GRID1: variants seen among roughly 807,000 people sequenced by gnomAD.
GRID1 encodes the protein glutamate receptor ionotropic, delta-1.
Under a neutral mutation model 98.0 loss-of-function variants are expected in GRID1, and 28 were observed. The ratio of observed to expected loss-of-function variants is 0.29; its 90% confidence interval spans 0.21 to 0.39. The LOEUF is 0.39. Ranked by LOEUF, GRID1 falls within the 10% of genes least tolerant of loss-of-function variation. The pLI is 1.00. For synonymous variants in GRID1, 553 were observed against 538.5 expected (o/e 1.03, Z -0.37); for missense variants, 1,111 against 1,340.5 (o/e 0.83, Z 2.67).
intron 8 of GRID1, among the ~76,000 whole-genome samples, chr10:85,796,265 A>G (rs1164021103): frequency 2.6e-5 from 4 of 152,252 alleles, no homozygotes; most frequent in Middle Eastern, 3.2e-3. Context: ...TTGAATTTCA[A>G]AATAATCAAC....
At position 86,024,269 on chromosome 10, in the gene GRID1, C is replaced by T. The variant is rs374143170; in HGVS notation, c.727-108030G>A. Among the ~76,000 whole-genome samples the T allele has an allele frequency of 3.0e-3, 452 of 152,272 alleles. 21 individuals carry two copies. In the South Asian group the frequency reaches 0.091, roughly 31 times the overall value. Reference sequence around the variant, plus strand: ...CATTCTTCTTCCGCTATCACCCAGCCGTCTGGTGCAAACGACCCATTTAAA... The same window carrying T: ...CATTCTTCTTCCGCTATCACCCAGCTGTCTGGTGCAAACGACCCATTTAAA... On this transcript the variant is annotated intron_variant, in intron 4 of 15. Transcript: ENST00000327946.
intron 3 of GRID1, among the ~76,000 whole-genome samples, chr10:86,159,054 C>T (rs1039016566): frequency 6.6e-6 from 1 of 152,082 alleles, no homozygotes; most frequent in African/African-American, 2.4e-5. Flanking sequence ...CGACCATGCC[C>T]GGCTAATTTT....
intron 4 of GRID1, among the ~76,000 whole-genome samples, chr10:86,076,902 G>T (rs536986556): frequency 2.2e-5 from 3 of 139,308 alleles, no homozygotes; most frequent in South Asian, 4.8e-4. Flanking sequence ...TGTCTGTCTC[G>T]CAATTTCTCC....
At chr10:85,867,004 G>T (rs1426774926) in intron 6 of GRID1, among the ~76,000 whole-genome samples, 2 of 152,166 alleles carry the variant, frequency 1.3e-5, no homozygotes, top group East Asian at 1.9e-4. Context: ...ATATCTGGGA[G>T]CTGTGCCTTT....
chr10:85,619,961 A>G lies in GRID1; in HGVS notation c.2266T>C (p.Cys756Arg). ...VEYAALTDDD[C>R]SVTVIGNSIS... ...CTGTTGCCGATGACAGTCACCGAGC[A>G]GTCGTCATCCGTCAGGGCTGCGTAT... The change falls in exon 14 of 16, where the codon TGC becomes CGC. Residue 756 changes from cysteine (C) to arginine (R), a missense_variant. Around this residue, in one of 3 missense-constraint regions of GRID1, gnomAD observed 762 missense variants for 869.1 expected, o/e 0.88. Transcript: ENST00000327946. 1 of 1,614,006 alleles carries G rather than the reference A, an allele frequency of 6.2e-7. No homozygotes were observed. The highest frequency in any genetic ancestry group is 8.5e-7 in the Non-Finnish European group (1 of 1,179,846).
chr10:86,317,439 A>T (rs1050771658), intron 2 of GRID1, among the ~76,000 whole-genome samples: 1 of 152,232 alleles, frequency 6.6e-6, no homozygotes, highest in Non-Finnish European at 1.5e-5. Context: ...AAAAATTATG[A>T]CAAATAGCTT....
At chr10:85,798,375 G>C (rs910908945) in intron 8 of GRID1, among the ~76,000 whole-genome samples, 6 of 152,278 alleles carry the variant, frequency 3.9e-5, no homozygotes, top group Non-Finnish European at 8.8e-5. Context: ...ACAGTATAGA[G>C]AATATATAGA....
chr10:85,985,820 G>C (rs948820941), intron 4 of GRID1, among the ~76,000 whole-genome samples: 3 of 152,160 alleles, frequency 2.0e-5, no homozygotes, highest in Non-Finnish European at 2.9e-5. Context: ...TGGCCCACAG[G>C]GAGAGGCAAA....
chr10:85,771,970 A>C (rs1282133761), intron 8 of GRID1, among the ~76,000 whole-genome samples: 1 of 152,186 alleles, frequency 6.6e-6, no homozygotes, highest in African/African-American at 2.4e-5. Context: ...CACCAAGTGG[A>C]CCTAATAGAC....
At chr10:85,704,931 G>C (rs1841498087) in intron 12 of GRID1, among the ~76,000 whole-genome samples, 1 of 152,152 alleles carries the variant, frequency 6.6e-6, no homozygotes, top group Non-Finnish European at 1.5e-5. Flanking sequence ...TGAGAACAAA[G>C]ACACAACATA....
chr10:86,169,892 T>C (rs760976854), intron 3 of GRID1, among the ~76,000 whole-genome samples: 15 of 152,148 alleles, frequency 9.9e-5, no homozygotes, highest in Non-Finnish European at 1.9e-4. Context: ...TCCCTCTTCT[T>C]CAAGGTACAG....
chr10:86,126,806 G>A (rs1844761259), intron 4 of GRID1, among the ~76,000 whole-genome samples: 1 of 152,174 alleles, frequency 6.6e-6, no homozygotes, highest in African/African-American at 2.4e-5. Context: ...CCTTCTCAGG[G>A]GAATCTTGGC....
At chr10:85,658,035 TG>T (rs900745285) in intron 12 of GRID1, among the ~76,000 whole-genome samples, 22 of 152,326 alleles carry the variant, frequency 1.4e-4, no homozygotes, top group Middle Eastern at 3.4e-3. Flanking sequence ...ATATCAGTGC[TG>T]GGGCTCTTAA....
chr10:86,137,633 G>T (rs972037946), intron 4 of GRID1, among the ~76,000 whole-genome samples: 3 of 152,220 alleles, frequency 2.0e-5, no homozygotes, highest in African/African-American at 7.2e-5. Context: ...TGTTAGTGCT[G>T]CTAATCCCAG....
chr10:85,923,714 T>C (rs1397128646), intron 4 of GRID1, among the ~76,000 whole-genome samples: 1 of 152,064 alleles, frequency 6.6e-6, no homozygotes, highest in Admixed American at 6.5e-5. Flanking sequence ...GCAAAACCCA[T>C]ATGGTTTCTA....
chr10:85,864,377 C>T (rs932249819), intron 6 of GRID1, among the ~76,000 whole-genome samples: 9 of 152,198 alleles, frequency 5.9e-5, no homozygotes, highest in African/African-American at 2.2e-4. Context: ...GAATCTGAGG[C>T]GACGGTGTGA....
chr10:85,886,395 A>G (rs1267827694), intron 5 of GRID1, among the ~76,000 whole-genome samples: 1 of 152,226 alleles, frequency 6.6e-6, no homozygotes, highest in African/African-American at 2.4e-5. Flanking sequence ...TTTTTAGACC[A>G]TTCAAGGAAA....
intron 8 of GRID1, among the ~76,000 whole-genome samples, chr10:85,774,156 T>C (rs1842303939): frequency 6.6e-6 from 1 of 152,132 alleles, no homozygotes; most frequent in South Asian, 2.1e-4. Context: ...AACAGAGCCC[T>C]CAGAAATAAC....
At chr10:85,928,620 G>A (rs568349927) in intron 4 of GRID1, among the ~76,000 whole-genome samples, 62 of 152,304 alleles carry the variant, frequency 4.1e-4, no homozygotes, top group African/African-American at 1.4e-3. Context: ...ACATTCCTGG[G>A]GACAGCACAG....
Sources: gnomAD v4.1 joint callset for allele counts (sites outside exome capture counted in the v4.1 genomes callset) on GRCh38, gnomAD v4.1.1 for gene constraint, gnomAD v4.1.1 regional missense constraint, MANE v1.5 for transcripts, NCBI Gene and HGNC (gene_info 2026-07-23, HGNC 2026-07-21) for gene names.